The following ANO2 variants were observed in gnomAD, a reference collection of about 807,000 sequenced individuals.
ANO2 encodes the protein anoctamin-2.
ANO2 carries 101 observed loss-of-function variants against 124.2 expected under a neutral mutation model. That is an observed-to-expected ratio of 0.81 (90% CI 0.69 to 0.96). The LOEUF (loss-of-function observed/expected upper bound fraction) is 0.96, where lower values mean the gene tolerates loss of function less well. ANO2 is among the 40% of genes least tolerant of loss of function. ANO2 has a pLI of 0.00. For synonymous variants in ANO2, 486 were observed against 482.5 expected, an observed-to-expected ratio of 1.01 and a Z score of -0.09; for missense variants, 1,293 against 1,274.5, an observed-to-expected ratio of 1.01 and a Z score of -0.22.
intron 11 of ANO2, among the ~76,000 whole-genome samples, chr12:5,745,936 T>G (rs556098300): frequency 2.6e-5 from 4 of 152,214 alleles, no homozygotes; most frequent in Non-Finnish European, 5.9e-5. Flanking sequence ...AAGGAATTGC[T>G]ATTTTCAGAG....
At chr12:5,852,636 A>C (rs1199534956) in intron 4 of ANO2, among the ~76,000 whole-genome samples, 1 of 152,102 alleles carries the variant, frequency 6.6e-6, no homozygotes, top group Non-Finnish European at 1.5e-5. Flanking sequence ...TTGGCCAACA[A>C]TGTAAATCAG....
chr12:5,681,704 C>T (rs1948499059), intron 14 of ANO2, among the ~76,000 whole-genome samples: 1 of 152,196 alleles, frequency 6.6e-6, no homozygotes. Flanking sequence ...AGTTTCATAT[C>T]CTCTTCTTAT....
Position 5,860,593 on chromosome 12 carries a change from G to A in ANO2, c.535-6452C>T, listed in dbSNP as rs767987979. On this transcript the variant is annotated intron_variant, in intron 3 of 24. Transcript: ENST00000682330. ...AGTAATTGGTGACCTTTGGCCAACAGAATTTAAATCTAATTCAGTTTTGAG... is the reference window on the plus strand; with the variant it reads ...AGTAATTGGTGACCTTTGGCCAACAAAATTTAAATCTAATTCAGTTTTGAG... Among the ~76,000 whole-genome samples the A allele has an allele frequency of 1.4e-3, 208 of 152,316 alleles. 2 individuals are homozygous for A. Among genetic ancestry groups the A allele is most frequent in the Non-Finnish European group, 1.5e-3 (99 of 68,016 alleles).
chr12:5,648,835 GC>G (rs1210577177), intron 14 of ANO2, among the ~76,000 whole-genome samples: 1 of 152,198 alleles, frequency 6.6e-6, no homozygotes, highest in Non-Finnish European at 1.5e-5. Flanking sequence ...TCTGAATGGG[GC>G]TCAGCGGTGA....
In ANO2 at chr12:5,727,634, CCTT is replaced by C. The variant is rs1336183581; in HGVS notation, c.1545+4883_1545+4885del. Among the ~76,000 whole-genome samples the C allele has an allele frequency of 1.6e-3, 210 of 133,744 alleles. 8 individuals carry two copies. The highest frequency in any genetic ancestry group is 3.4e-3 in the African/African-American group (130 of 38,252). 87.7% of individuals were successfully genotyped at this position (133,744 alleles called of 152,430 possible). A position where few individuals can be genotyped will look rare whatever the true frequency, so the allele number is the denominator to read the frequency against. ...GCAAGGAAGTCCATTCTCACCACTTCCTTTTTTTTTTTTTTTTTTTTGAGACGG... is the reference window on the plus strand; with the variant it reads ...GCAAGGAAGTCCATTCTCACCACTTCTTTTTTTTTTTTTTTTTTGAGACGG... On this transcript the variant is annotated intron_variant, in intron 14 of 24. Coordinates refer to ENST00000682330, the MANE Select transcript of ANO2 (RefSeq NM_001364791.2).
At chr12:5,809,127 G>A (rs1565685167) in intron 7 of ANO2, among the ~76,000 whole-genome samples, 1 of 152,172 alleles carries the variant, frequency 6.6e-6, no homozygotes, top group Non-Finnish European at 1.5e-5. Flanking sequence ...AGAGGGTGGG[G>A]AGAGGGAGTG....
At position 5,732,399 on chromosome 12, in the gene ANO2, A is replaced by T. The variant is rs1025845928; in HGVS notation, c.1545+121T>A. The T allele has an allele frequency of 3.1e-5, 23 of 743,856 alleles. No individual in the cohort carries two copies. In the African/African-American group the frequency reaches 4.1e-4, roughly 13 times the overall value. 46.1% of individuals were successfully genotyped at this position (743,856 alleles called of 1,614,324 possible). On this transcript the variant is annotated intron_variant, in intron 14 of 24. Transcript: ENST00000682330. ...ATGCGAGATGTCATGCTCTCATCTC[A>T]TCCTGCCCCACATCAACCCCTTCTC...
intron 3 of ANO2, among the ~76,000 whole-genome samples, chr12:5,877,138 T>C (rs1311420702): frequency 2.0e-5 from 3 of 152,100 alleles, no homozygotes; most frequent in African/African-American, 7.2e-5. Flanking sequence ...GTTTTGCAGA[T>C]AGAATTTGTT....
intron 20 of ANO2, among the ~76,000 whole-genome samples, chr12:5,583,639 C>T (rs1007415586): frequency 6.8e-4 from 60 of 87,902 alleles, no homozygotes; most frequent in Non-Finnish European, 9.7e-4. Context: ...GGCTAAAGAG[C>T]GGGACTCCGT....
intron 4 of ANO2, among the ~76,000 whole-genome samples, chr12:5,834,716 C>T (rs775447626): frequency 2.0e-5 from 3 of 152,138 alleles, no homozygotes; most frequent in Non-Finnish European, 2.9e-5. Flanking sequence ...TTCAGGTAAA[C>T]GAACAAGCTT....
At chr12:5,573,640 C>A (rs1047922071) in intron 23 of ANO2, among the ~76,000 whole-genome samples, 2 of 152,234 alleles carry the variant, frequency 1.3e-5, no homozygotes, top group East Asian at 3.8e-4. Flanking sequence ...CAGTGCATAG[C>A]CTGGCAGCAA....
At chr12:5,617,036 T>C (rs115926119) in intron 16 of ANO2, among the ~76,000 whole-genome samples, 4,875 of 149,228 alleles carry the variant, frequency 0.033, 268 homozygotes, top group African/African-American at 0.11. Context: ...GCCATAGCAC[T>C]CTCCAGATCA....
chr12:5,722,086 A>G (rs1780962784), intron 14 of ANO2, among the ~76,000 whole-genome samples: 2 of 152,208 alleles, frequency 1.3e-5, no homozygotes, highest in African/African-American at 2.4e-5. Context: ...AGAACTTCCA[A>G]CTTTTCTAAT....
At chr12:5,570,615 C>T (rs1234219460) in intron 23 of ANO2, among the ~76,000 whole-genome samples, 1 of 152,142 alleles carries the variant, frequency 6.6e-6, no homozygotes, top group Non-Finnish European at 1.5e-5. Context: ...TGACATCTGC[C>T]ACAATTCATC....
At chr12:5,625,028 G>A (rs1945326413) in intron 16 of ANO2, among the ~76,000 whole-genome samples, 1 of 152,206 alleles carries the variant, frequency 6.6e-6, no homozygotes, top group African/African-American at 2.4e-5. Flanking sequence ...AGCATCCTGA[G>A]CCTGGTGGAA....
At chr12:5,845,099 C>G (rs1481590243) in intron 4 of ANO2, among the ~76,000 whole-genome samples, 6 of 151,670 alleles carry the variant, frequency 4.0e-5, no homozygotes, top group African/African-American at 1.5e-4. Context: ...TGGGGGAAAC[C>G]CCGTCTCTAC....
At chr12:5,715,184 T>G (rs1949974840) in intron 14 of ANO2, among the ~76,000 whole-genome samples, 1 of 152,200 alleles carries the variant, frequency 6.6e-6, no homozygotes, top group Non-Finnish European at 1.5e-5. Context: ...CTACTTGTCC[T>G]CTAAATTGTT....
chr12:5,618,499 C>A (rs2136914865), intron 16 of ANO2, among the ~76,000 whole-genome samples: 1 of 152,278 alleles, frequency 6.6e-6, no homozygotes, highest in South Asian at 2.1e-4. Flanking sequence ...AATTGAGGCC[C>A]AGAGAGGTTA....
intron 23 of ANO2, among the ~76,000 whole-genome samples, chr12:5,566,145 G>A (rs1941745363): frequency 6.6e-6 from 1 of 152,164 alleles, no homozygotes; most frequent in Non-Finnish European, 1.5e-5. Context: ...TCAGGACTAC[G>A]GCCACTAGAG....
Sources: gnomAD v4.1 joint callset for allele counts (sites outside exome capture counted in the v4.1 genomes callset) on GRCh38, gnomAD v4.1.1 for gene constraint, MANE v1.5 for transcripts, NCBI Gene and HGNC (gene_info 2026-07-23, HGNC 2026-07-21) for gene names.